The following MAML2 variants were observed in gnomAD, a reference collection of about 807,000 sequenced individuals.
The protein encoded by MAML2 is mastermind-like protein 2.
A neutral mutation model predicts 96.1 loss-of-function variants in MAML2; 22 were observed. That is an observed-to-expected ratio of 0.23 (90% CI 0.16 to 0.33). The LOEUF (loss-of-function observed/expected upper bound fraction) is 0.33. Ranked by LOEUF, MAML2 falls within the 10% of genes least tolerant of loss-of-function variation. The pLI, the probability that MAML2 is intolerant of heterozygous loss-of-function variation, is 1.00. For missense variants in MAML2, 1,367 were observed against 1,392.4 expected (o/e 0.98, Z 0.29); for synonymous variants, 561 against 521.3 (o/e 1.08, Z -1.04).
At chr11:96,154,783 CGTGCAGAGA>C (rs1565231187) in intron 1 of MAML2, among the ~76,000 whole-genome samples, 1 of 152,282 alleles carries the variant, frequency 6.6e-6, no homozygotes, top group East Asian at 1.9e-4. Context: ...AAGATAGTAA[CGTGCAGAGA>C]GTGCCATGGA....
chr11:96,342,559 C>G lies in MAML2; in HGVS notation c.-664G>C. On this transcript the variant is annotated 5_prime_UTR_variant, in exon 1 of 5. Transcript: ENST00000524717. The stretch of plus-strand genomic sequence containing the variant: ...GTCTTTTGGCTTTTAATTTTTCCTC[C>G]CTTTCCTTTCGCTCCGGTGTTTTCT... The G allele has an allele frequency of 2.5e-6, 1 of 396,608 alleles. No homozygotes were observed. The highest frequency in any genetic ancestry group is 4.4e-6 in the Non-Finnish European group (1 of 225,330). The allele number at this position is 396,608 out of a possible 1,614,324, so 24.6% of individuals were successfully genotyped here.
chr11:96,104,719 G>T (rs998763031), intron 1 of MAML2, among the ~76,000 whole-genome samples: 2 of 152,034 alleles, frequency 1.3e-5, no homozygotes, highest in Non-Finnish European at 2.9e-5. Flanking sequence ...CACAGCAACA[G>T]ACAGGGAAAG....
intron 2 of MAML2, among the ~76,000 whole-genome samples, chr11:96,055,860 TCATGTAC>T (rs1859058182): frequency 6.6e-6 from 1 of 152,234 alleles, no homozygotes; most frequent in Admixed American, 6.5e-5. Flanking sequence ...AGTTGAATTT[TCATGTAC>T]TAAGTCATCT....
intron 1 of MAML2, among the ~76,000 whole-genome samples, chr11:96,130,503 T>C (rs914546381): frequency 2.6e-5 from 4 of 152,190 alleles, no homozygotes; most frequent in African/African-American, 9.7e-5. Flanking sequence ...GCTTGCTGTT[T>C]TAATCTTGAA....
chr11:96,032,546 C>T lies in MAML2; in HGVS notation c.2140-40823G>A, dbSNP rs188186547. Among the ~76,000 whole-genome samples the T allele has an allele frequency of 8.5e-5, 12 of 140,922 alleles. No individual in the cohort carries two copies. The East Asian group carries it at 2.5e-3, about 29-fold the overall frequency. 92.5% of individuals were successfully genotyped at this position (140,922 alleles called of 152,430 possible). On this transcript the variant is annotated intron_variant, in intron 2 of 4. Transcript: ENST00000524717. ...AGGTTGCAGTGAGCCAAGACTATGC[C>T]ACTGCACTCTAGCCTGGGTGACAGA...
At chr11:96,075,283 T>C (rs994567877) in intron 2 of MAML2, among the ~76,000 whole-genome samples, 5 of 152,220 alleles carry the variant, frequency 3.3e-5, no homozygotes, top group African/African-American at 1.2e-4. Flanking sequence ...TGTTCATTAT[T>C]TCTTACCAGT....
At chr11:96,122,233 C>T (rs1365696030) in intron 1 of MAML2, among the ~76,000 whole-genome samples, 1 of 152,000 alleles carries the variant, frequency 6.6e-6, no homozygotes, top group Non-Finnish European at 1.5e-5. Flanking sequence ...GCTTTGGCCT[C>T]CTGACTTGCA....
chr11:96,173,879 TG>T (rs1393163284), intron 1 of MAML2, among the ~76,000 whole-genome samples: 2 of 152,280 alleles, frequency 1.3e-5, no homozygotes, highest in African/African-American at 4.8e-5. Flanking sequence ...CTATTGTTTT[TG>T]CTCTTTTATT....
At chr11:96,182,894 G>A (rs569308213) in intron 1 of MAML2, among the ~76,000 whole-genome samples, 9 of 151,078 alleles carry the variant, frequency 6.0e-5, no homozygotes, top group Non-Finnish European at 5.9e-5. Flanking sequence ...TATCATACCC[G>A]TTAATTATGA....
At chr11:96,191,401 T>C (rs1009435694) in intron 1 of MAML2, among the ~76,000 whole-genome samples, 18 of 151,000 alleles carry the variant, frequency 1.2e-4, no homozygotes, top group African/African-American at 4.4e-4. Flanking sequence ...GAGACAGAGC[T>C]TGCAAGTGAG....
At chr11:96,180,925 G>A (rs1243939597) in intron 1 of MAML2, among the ~76,000 whole-genome samples, 6 of 151,706 alleles carry the variant, frequency 4.0e-5, no homozygotes, top group South Asian at 2.1e-4. Flanking sequence ...GTTCTCTGGC[G>A]GGTAGGAGTG....
chr11:96,194,200 T>C (rs1392045537), intron 1 of MAML2, among the ~76,000 whole-genome samples: 5 of 152,180 alleles, frequency 3.3e-5, no homozygotes, highest in Admixed American at 2.6e-4. Context: ...AAATGGTCAA[T>C]TGAACTGGAG....
intron 1 of MAML2, among the ~76,000 whole-genome samples, chr11:96,107,378 A>C (rs1860041345): frequency 6.6e-6 from 1 of 152,174 alleles, no homozygotes; most frequent in Non-Finnish European, 1.5e-5. Context: ...GTTCCAATTC[A>C]GTGGTTGTAG....
chr11:96,208,160 A>G (rs1861920685), intron 1 of MAML2, among the ~76,000 whole-genome samples: 3 of 152,232 alleles, frequency 2.0e-5, no homozygotes, highest in Admixed American at 6.5e-5. Context: ...CTCAAGTACT[A>G]TGTCCCCTCC....
At chr11:96,254,590 A>AAAAC (rs1862635199) in intron 1 of MAML2, among the ~76,000 whole-genome samples, 1 of 152,056 alleles carries the variant, frequency 6.6e-6, no homozygotes, top group African/African-American at 2.4e-5. Flanking sequence ...AAAACAAAAC[A>AAAAC]AAACAAAACA....
chr11:96,180,931 G>C (rs901329281), intron 1 of MAML2, among the ~76,000 whole-genome samples: 5 of 151,562 alleles, frequency 3.3e-5, no homozygotes, highest in African/African-American at 1.2e-4. Flanking sequence ...TGGCGGGTAG[G>C]AGTGGGGGTC....
In MAML2 at chr11:96,093,036, G is replaced by A. The variant is rs766650111; in HGVS notation, c.995C>T (p.Ala332Val). 1.2e-6 allele frequency: 2 copies of A among 1,613,878 alleles called. No individual in the cohort carries two copies. Among genetic ancestry groups the A allele is most frequent in the Admixed American group, 1.7e-5 (1 of 60,004 alleles). ...AAATGGGTCATCCTGCTTTATGGTGGCATTGATCATGTTCTCCAGTTCAAG... is the reference window on the plus strand; with the variant it reads ...AAATGGGTCATCCTGCTTTATGGTGACATTGATCATGTTCTCCAGTTCAAG... ...SDLELENMIN[A>V]TIKQDDPFNI... Residue 332 changes from alanine to valine, a missense_variant, in exon 2 of 5, where the codon GCC (alanine) becomes GTC (valine). Physicochemically the swap from Ala to Val is moderately conservative, Grantham distance 64. Coordinates refer to ENST00000524717, the MANE Select transcript of MAML2 (RefSeq NM_032427.4).
chr11:96,166,260 T>C (rs531561570), intron 1 of MAML2, among the ~76,000 whole-genome samples: 4 of 150,462 alleles, frequency 2.7e-5, no homozygotes, highest in African/African-American at 7.3e-5. Flanking sequence ...GCCCCAGGGA[T>C]TGCAAAAACA....
intron 2 of MAML2, among the ~76,000 whole-genome samples, chr11:96,083,904 A>T (rs1859566974): frequency 6.6e-6 from 1 of 152,240 alleles, no homozygotes; most frequent in Admixed American, 6.5e-5. Context: ...CAGACCATAT[A>T]GGATGGGAGC....
Sources: gnomAD v4.1 joint callset for allele counts (sites outside exome capture counted in the v4.1 genomes callset) on GRCh38, gnomAD v4.1.1 for gene constraint, MANE v1.5 for transcripts, NCBI Gene and HGNC (gene_info 2026-07-23, HGNC 2026-07-21) for gene names.